DIAPH3: variants seen among roughly 807,000 people sequenced by gnomAD.
The protein encoded by DIAPH3 is protein diaphanous homolog 3.
DIAPH3 carries 117 observed loss-of-function variants against 144.3 expected under a neutral mutation model. That is an observed-to-expected ratio of 0.81 (90% CI 0.70 to 0.95). DIAPH3 has a LOEUF of 0.95. DIAPH3 is among the 40% of genes least tolerant of loss of function. The pLI is 0.00. For missense variants in DIAPH3, 1,421 were observed against 1,412.7 expected, an observed-to-expected ratio of 1.01 and a Z score of -0.09; for synonymous variants, 519 against 488.9, an observed-to-expected ratio of 1.06 and a Z score of -0.81.
chr13:59,784,536 T>C (rs1593845672), intron 25 of DIAPH3, among the ~76,000 whole-genome samples: 1 of 152,032 alleles, frequency 6.6e-6, no homozygotes, highest in African/African-American at 2.4e-5. Context: ...CCACAATGCC[T>C]GACTAATTTT....
intron 12 of DIAPH3, among the ~76,000 whole-genome samples, chr13:59,984,536 A>T (rs1176970806): frequency 6.6e-6 from 1 of 151,834 alleles, no homozygotes; most frequent in East Asian, 1.9e-4. Flanking sequence ...AACATCCCTT[A>T]AGATTTTGAA....
At chr13:59,722,717 T>A (rs1462509149) in intron 27 of DIAPH3, among the ~76,000 whole-genome samples, 1 of 152,132 alleles carries the variant, frequency 6.6e-6, no homozygotes, top group Non-Finnish European at 1.5e-5. Flanking sequence ...GGCTTCCTGA[T>A]CATGGGGACT....
chr13:59,964,270 A>G (rs768819577), intron 17 of DIAPH3, among the ~76,000 whole-genome samples: 7 of 152,108 alleles, frequency 4.6e-5, no homozygotes, highest in Non-Finnish European at 8.8e-5. Context: ...ACCATTCGTC[A>G]AGTGACTCCA....
At position 60,163,915 on chromosome 13, in the gene DIAPH3, CA is replaced by C. The variant is rs1388188963; in HGVS notation, c.-150del. 2.0e-6 allele frequency: 2 copies of C among 1,021,686 alleles called. No individual in the cohort carries two copies. Among genetic ancestry groups the C allele is most frequent in the African/African-American group, 3.2e-5 (2 of 61,598 alleles). The allele number at this position is 1,021,686 out of a possible 1,614,324, so 63.3% of individuals were successfully genotyped here. A position where few individuals can be genotyped will look rare whatever the true frequency, so the allele number is the denominator to read the frequency against. On this transcript the variant is annotated 5_prime_UTR_variant, in exon 1 of 28. The change abolishes the stop of an existing upstream ORF in the 5' untranslated region. Coordinates refer to ENST00000400324, the MANE Select transcript of DIAPH3 (RefSeq NM_001042517.2). ...AGCCCAACCGCTGAAGTCGGGGCCG[CA>C]GCCAACACATCTGAAAACTCCCGCC...
At chr13:60,100,733 T>G (rs529772421) in intron 3 of DIAPH3, among the ~76,000 whole-genome samples, 34 of 152,132 alleles carry the variant, frequency 2.2e-4, no homozygotes, top group Non-Finnish European at 4.9e-4. Flanking sequence ...TAGAACTTTT[T>G]ATAAATAACT....
At chr13:60,041,795 TTC>T (rs1206603719) in intron 5 of DIAPH3, among the ~76,000 whole-genome samples, 13 of 152,258 alleles carry the variant, frequency 8.5e-5, no homozygotes, top group Admixed American at 2.6e-4. Flanking sequence ...AGCTCTGAAA[TTC>T]TCTGTTTCTG....
chr13:59,750,385 A>G (rs1054525974), intron 27 of DIAPH3, among the ~76,000 whole-genome samples: 13 of 152,208 alleles, frequency 8.5e-5, no homozygotes, highest in Non-Finnish European at 1.5e-4. Context: ...TACCATGATA[A>G]TAAGTTTTTT....
At chr13:59,675,795 A>C (rs535516100) in intron 27 of DIAPH3, among the ~76,000 whole-genome samples, 2 of 152,186 alleles carry the variant, frequency 1.3e-5, no homozygotes, top group African/African-American at 4.8e-5. Flanking sequence ...GTTGGCCCTC[A>C]TGGTTCTGGG....
intron 25 of DIAPH3, among the ~76,000 whole-genome samples, chr13:59,782,570 T>G (rs1461144313): frequency 6.6e-6 from 1 of 152,092 alleles, no homozygotes; most frequent in Non-Finnish European, 1.5e-5. Flanking sequence ...AAAAATTTTA[T>G]TGAAAGAGAA....
chr13:59,877,245 TC>T (rs1262150478), intron 21 of DIAPH3, among the ~76,000 whole-genome samples: 3 of 152,144 alleles, frequency 2.0e-5, no homozygotes, highest in African/African-American at 7.2e-5. Flanking sequence ...TAGCAATATC[TC>T]CCATTAGTTG....
chr13:59,777,618 T>C (rs1171506346), intron 25 of DIAPH3, among the ~76,000 whole-genome samples: 6 of 152,226 alleles, frequency 3.9e-5, no homozygotes, highest in African/African-American at 1.4e-4. Flanking sequence ...TGGAATATGC[T>C]GATATCAATT....
At chr13:60,136,472 CAAAA>C (rs34487556) in intron 1 of DIAPH3, among the ~76,000 whole-genome samples, 1 of 81,970 alleles carries the variant, frequency 1.2e-5, no homozygotes, top group African/African-American at 4.5e-5. Context: ...TTATATTTAC[CAAAA>C]AAAAAAAAAA....
At chr13:59,799,188 A>T (rs1396794103) in intron 25 of DIAPH3, among the ~76,000 whole-genome samples, 1 of 152,074 alleles carries the variant, frequency 6.6e-6, no homozygotes, top group Non-Finnish European at 1.5e-5. Context: ...AGCAGACAGG[A>T]GGAATGATGC....
chr13:60,075,419 AGTT>A (rs1462050484), intron 4 of DIAPH3, among the ~76,000 whole-genome samples: 1 of 152,020 alleles, frequency 6.6e-6, no homozygotes, highest in Non-Finnish European at 1.5e-5. Context: ...AAAAGTTTTT[AGTT>A]GTATTAGCAA....
At chr13:60,121,395 A>G (rs2058840300) in intron 2 of DIAPH3, among the ~76,000 whole-genome samples, 1 of 152,208 alleles carries the variant, frequency 6.6e-6, no homozygotes, top group South Asian at 2.1e-4. Context: ...AGGTGGGTAC[A>G]GAACGATAGC....
At chr13:59,839,661 T>A (rs2042234786) in intron 22 of DIAPH3, among the ~76,000 whole-genome samples, 1 of 152,140 alleles carries the variant, frequency 6.6e-6, no homozygotes, top group South Asian at 2.1e-4. Context: ...AAGACAAAAT[T>A]TAAGAAATGC....
chr13:59,950,022 C>A lies in DIAPH3; in HGVS notation c.2074+19922G>T, dbSNP rs561279347. 2.6e-5 allele frequency among the ~76,000 whole-genome samples: 4 copies of A among 152,250 alleles called. No homozygotes were observed. The South Asian group carries it at 8.3e-4, about 32-fold the overall frequency. ...TAAAAGTAGTCTCTTAATTGACATT[C>A]CAGTTTCTGGACTTTACCTACTGCA... is the stretch of plus-strand genomic sequence containing the variant. On this transcript the variant is annotated intron_variant, in intron 17 of 27. Transcript: ENST00000400324.
intron 2 of DIAPH3, among the ~76,000 whole-genome samples, chr13:60,124,936 A>G (rs775852859): frequency 5.9e-5 from 9 of 152,166 alleles, no homozygotes; most frequent in Admixed American, 6.5e-5. Flanking sequence ...AATGCTTTTG[A>G]TAAAGATCAT....
intron 7 of DIAPH3, chr13:60,013,099 G>C (rs1290894484): frequency 2.0e-6 from 2 of 985,000 alleles, no homozygotes; most frequent in Admixed American, 6.2e-5. Flanking sequence ...GGTTAGAGAG[G>C]CATGACAAAT....
Sources: allele counts gnomAD v4.1 joint callset (sites outside exome capture counted in the v4.1 genomes callset), GRCh38; gene constraint gnomAD v4.1.1; transcripts MANE v1.5; gene names NCBI Gene and HGNC (gene_info 2026-07-23, HGNC 2026-07-21).